COLEC10: variants seen among roughly 807,000 people sequenced by gnomAD.
COLEC10 encodes collectin-10.
In COLEC10, 22 loss-of-function variants were observed where a neutral mutation model predicts 28.4. That is an observed-to-expected ratio of 0.78 (90% CI 0.55 to 1.11). The LOEUF (loss-of-function observed/expected upper bound fraction) is 1.11. COLEC10 is among the 50% of genes least tolerant of loss of function. The pLI is 0.00. For synonymous variants in COLEC10, 125 were observed against 116.1 expected, an observed-to-expected ratio of 1.08 and a Z score of -0.49; for missense variants, 361 against 344.1, an observed-to-expected ratio of 1.05 and a Z score of -0.39.
intron 2 of COLEC10, among the ~76,000 whole-genome samples, chr8:119,059,256 T>C (rs933679830): frequency 1.4e-5 from 2 of 139,388 alleles, no homozygotes; most frequent in Non-Finnish European, 3.1e-5. Flanking sequence ...ATTGTTCTTT[T>C]GGTGTACTAA....
intron 2 of COLEC10, among the ~76,000 whole-genome samples, chr8:119,011,961 G>T (rs1464732963): frequency 6.6e-6 from 1 of 150,440 alleles, no homozygotes; most frequent in Non-Finnish European, 1.5e-5. Context: ...TCCTGTTCTT[G>T]TCTTGTTGCA....
chr8:119,055,955 A>AT (rs1305791854), intron 2 of COLEC10, among the ~76,000 whole-genome samples: 4 of 151,962 alleles, frequency 2.6e-5, no homozygotes, highest in East Asian at 3.9e-4. Context: ...TCTGGCTGGA[A>AT]TTTTTTTGAG....
the COLEC10 span, among the ~76,000 whole-genome samples, chr8:118,952,840 G>T: frequency 6.6e-6 from 1 of 152,172 alleles, no homozygotes; most frequent in Admixed American, 6.5e-5. Context: ...TTAATTCCCT[G>T]GTCTAGAAGT....
At chr8:118,971,277 T>C in the COLEC10 span, among the ~76,000 whole-genome samples, 2 of 151,978 alleles carry the variant, frequency 1.3e-5, no homozygotes, top group Non-Finnish European at 2.9e-5. Context: ...GACTACACTC[T>C]TCCTTGCAAG....
At chr8:119,099,961 G>A (rs991751179) in intron 3 of COLEC10, among the ~76,000 whole-genome samples, 2 of 152,002 alleles carry the variant, frequency 1.3e-5, no homozygotes, top group African/African-American at 4.8e-5. Flanking sequence ...CCCAGAACTA[G>A]GATCATAGCA....
At chr8:119,045,110 A>G (rs1433719952) in intron 2 of COLEC10, among the ~76,000 whole-genome samples, 2 of 152,232 alleles carry the variant, frequency 1.3e-5, no homozygotes, top group Admixed American at 1.3e-4. Context: ...TCTTGATGAT[A>G]CAAGTATTTC....
Position 119,106,282 on chromosome 8 carries a change from A to C in COLEC10, c.*91A>C. ...TTTTTTCCTGATTGTACTACATTTGATCTGAGTCAACATAGCTAGAAAATG... is the reference window on the plus strand; with the variant it reads ...TTTTTTCCTGATTGTACTACATTTGCTCTGAGTCAACATAGCTAGAAAATG... On this transcript the variant is annotated 3_prime_UTR_variant, in exon 6 of 6. Transcript: ENST00000332843. 1 of 1,351,908 alleles carries C rather than the reference A, an allele frequency of 7.4e-7. No individual in the cohort carries two copies. The highest frequency in any genetic ancestry group is 1.0e-6 in the Non-Finnish European group (1 of 985,596). The allele number at this position is 1,351,908 out of a possible 1,614,324, so 83.7% of individuals were successfully genotyped here.
chr8:119,086,375 GGTC>G lies in COLEC10; in HGVS notation c.149-3303_149-3301del, dbSNP rs1409231028. Among the ~76,000 whole-genome samples the G allele has an allele frequency of 4.4e-5, 5 of 113,668 alleles. No individual in the cohort carries two copies. The East Asian group carries it at 1.5e-3, about 33-fold the overall frequency. 74.6% of individuals were successfully genotyped at this position (113,668 alleles called of 152,430 possible). A position where few individuals can be genotyped will look rare whatever the true frequency, so the allele number is the denominator to read the frequency against. On this transcript the variant is annotated intron_variant, in intron 1 of 5. Transcript: ENST00000332843. ...TACAAAAACAAACAACTGTGAGCCA[GGTC>G]GGCGGGGAGGTGGGGGGGGTCCCTA...
At chr8:118,996,697 T>C (rs527677414) in intron 1 of COLEC10, among the ~76,000 whole-genome samples, 1 of 152,296 alleles carries the variant, frequency 6.6e-6, no homozygotes, top group South Asian at 2.1e-4. Flanking sequence ...GTGAAATACC[T>C]GGAACTGGGT....
chr8:119,099,972 T>C (rs970999426), intron 3 of COLEC10, among the ~76,000 whole-genome samples: 2 of 152,166 alleles, frequency 1.3e-5, no homozygotes, highest in Non-Finnish European at 2.9e-5. Flanking sequence ...GATCATAGCA[T>C]AACTGGAATC....
intron 2 of COLEC10, among the ~76,000 whole-genome samples, chr8:119,013,436 T>TCTTTGTGTATTCTGC (rs1563716750): frequency 6.7e-6 from 1 of 149,948 alleles, no homozygotes; most frequent in Non-Finnish European, 1.5e-5. Context: ...GTGTATTCTG[T>TCTTTGTGTATTCTGC]TCTTTTTGGA....
chr8:118,988,872 C>T, the COLEC10 span, among the ~76,000 whole-genome samples: 1 of 152,194 alleles, frequency 6.6e-6, no homozygotes, highest in African/African-American at 2.4e-5. Context: ...CATAAATCCT[C>T]ACACTACAGG....
the COLEC10 span, among the ~76,000 whole-genome samples, chr8:118,977,604 G>A: frequency 1.7e-5 from 2 of 118,070 alleles, no homozygotes; most frequent in African/African-American, 3.3e-5. Context: ...CTGTTGTGGG[G>A]TGGGGGGAGG....
intron 1 of COLEC10, among the ~76,000 whole-genome samples, chr8:119,084,503 T>A (rs1312517156): frequency 6.6e-6 from 1 of 152,224 alleles, no homozygotes; most frequent in East Asian, 1.9e-4. Flanking sequence ...TTAGGCTTAC[T>A]CCTCTGAATG....
chr8:118,955,008 C>A, the COLEC10 span, among the ~76,000 whole-genome samples: 2 of 152,116 alleles, frequency 1.3e-5, no homozygotes, highest in Non-Finnish European at 2.9e-5. Flanking sequence ...ACTTCCTCAC[C>A]TGAAAATTGG....
intron 1 of COLEC10, among the ~76,000 whole-genome samples, chr8:119,073,077 G>C (rs1815157852): frequency 1.3e-5 from 2 of 152,216 alleles, no homozygotes; most frequent in African/African-American, 4.8e-5. Context: ...CTTACTACCT[G>C]TAAGGTCACC....
At position 119,054,729 on chromosome 8, in the gene COLEC10, C is replaced by T. The variant is rs190401856; in HGVS notation, n.236-34951C>T. Among the ~76,000 whole-genome samples, 3 of 152,072 alleles carry T rather than the reference C, an allele frequency of 2.0e-5. No individual in the cohort carries two copies. The East Asian group carries it at 5.8e-4, about 29-fold the overall frequency. On this transcript the variant is annotated intron_variant and non_coding_transcript_variant, in intron 2 of 6. Coordinates refer to the COLEC10 transcript ENST00000521788. ...AACATGTTTTTAAAAATGTTTGCAA[C>T]AAAATTATTGTTTTTAAACAAAAGT...
At chr8:118,962,915 C>T in the COLEC10 span, among the ~76,000 whole-genome samples, 1 of 152,144 alleles carries the variant, frequency 6.6e-6, no homozygotes, top group African/African-American at 2.4e-5. Context: ...ATTCAGTTAA[C>T]AAATATTGTA....
chr8:119,009,270 C>A (rs568153008), intron 1 of COLEC10, among the ~76,000 whole-genome samples: 2 of 150,976 alleles, frequency 1.3e-5, no homozygotes, highest in African/African-American at 4.9e-5. Context: ...TTATGTTGAA[C>A]CTTGATCCTC....
Sources: gnomAD v4.1 joint callset for allele counts (sites outside exome capture counted in the v4.1 genomes callset) on GRCh38, gnomAD v4.1.1 for gene constraint, MANE v1.5 for transcripts, NCBI Gene and HGNC (gene_info 2026-07-23, HGNC 2026-07-21) for gene names.